The following DIP2C variants were observed in gnomAD, a reference collection of about 807,000 sequenced individuals.
DIP2C encodes the protein disco-interacting protein 2 homolog C.
DIP2C carries 33 observed loss-of-function variants against 192.4 expected under a neutral mutation model. The observed-to-expected ratio is 0.17, with a 90% confidence interval of 0.13 to 0.23. The LOEUF is 0.23. DIP2C is among the 10% of genes least tolerant of loss of function. DIP2C has a pLI of 1.00. For missense variants in DIP2C, 1,537 were observed against 2,110.1 expected (o/e 0.73, Z 5.32); for synonymous variants, 979 against 864.1 (o/e 1.13, Z -2.33).
intron 1 of DIP2C, among the ~76,000 whole-genome samples, chr10:574,011 T>C (rs1767659211): frequency 6.6e-6 from 1 of 152,230 alleles, no homozygotes; most frequent in South Asian, 2.1e-4. Flanking sequence ...GGGAACACTT[T>C]ATTCTGTCTT....
chr10:422,487 C>T (rs991929934), intron 5 of DIP2C, among the ~76,000 whole-genome samples: 1 of 152,150 alleles, frequency 6.6e-6, no homozygotes, highest in African/African-American at 2.4e-5. Flanking sequence ...CCTTAAATGA[C>T]TCCCACGGTC....
At chr10:591,423 C>A (rs1317546882) in intron 1 of DIP2C, among the ~76,000 whole-genome samples, 1 of 152,172 alleles carries the variant, frequency 6.6e-6, no homozygotes, top group East Asian at 1.9e-4. Context: ...CCATGCCCTG[C>A]CATTACTGGT....
At chr10:391,368 G>A (rs1963442935) in intron 10 of DIP2C, among the ~76,000 whole-genome samples, 1 of 152,232 alleles carries the variant, frequency 6.6e-6, no homozygotes, top group Admixed American at 6.5e-5. Flanking sequence ...AGGAAGACCT[G>A]GGTCACTTTC....
chr10:449,865 T>TAC (rs946291261), intron 3 of DIP2C, among the ~76,000 whole-genome samples: 1 of 136,428 alleles, frequency 7.3e-6, no homozygotes, highest in East Asian at 2.1e-4. Context: ...TAAAAACACA[T>TAC]ACACACACAC....
At chr10:367,184 G>A (rs898288983) in intron 18 of DIP2C, among the ~76,000 whole-genome samples, 24 of 152,208 alleles carry the variant, frequency 1.6e-4, no homozygotes, top group Non-Finnish European at 2.8e-4. Flanking sequence ...TTGGGAGGCC[G>A]AGGCGGGCGG....
At chr10:307,279 A>G (rs1281977390) in intron 32 of DIP2C, among the ~76,000 whole-genome samples, 2 of 152,224 alleles carry the variant, frequency 1.3e-5, no homozygotes, top group Admixed American at 6.5e-5. Flanking sequence ...TACAGAGTGT[A>G]ATACCTCGTC....
At chr10:428,589 C>T (rs1029387475) in intron 4 of DIP2C, among the ~76,000 whole-genome samples, 1 of 152,064 alleles carries the variant, frequency 6.6e-6, no homozygotes, top group Non-Finnish European at 1.5e-5. Context: ...CTTAATCCTG[C>T]ACTTTGACTA....
chr10:475,025 G>T (rs1164350548), intron 2 of DIP2C, among the ~76,000 whole-genome samples: 1 of 152,146 alleles, frequency 6.6e-6, no homozygotes, highest in East Asian at 1.9e-4. Flanking sequence ...CTTCAACGGG[G>T]CTGTTTCGTT....
chr10:586,836 G>GCC (rs527374816), intron 1 of DIP2C, among the ~76,000 whole-genome samples: 216 of 144,304 alleles, frequency 1.5e-3, no homozygotes, highest in African/African-American at 5.6e-3. Context: ...ATCAAATGCT[G>GCC]CCCCCCACAT....
At chr10:296,377 G>C (rs554079181) in intron 32 of DIP2C, among the ~76,000 whole-genome samples, 1 of 152,126 alleles carries the variant, frequency 6.6e-6, no homozygotes, top group African/African-American at 2.4e-5. Context: ...TCATTAAAAA[G>C]TCAGGAAACA....
chr10:352,686 C>T (rs990419713), intron 24 of DIP2C, among the ~76,000 whole-genome samples: 3 of 152,196 alleles, frequency 2.0e-5, no homozygotes, highest in East Asian at 1.9e-4. Context: ...TGGACCCCAC[C>T]GTTGGCTGGG....
At chr10:392,838 G>C (rs536307628) in intron 10 of DIP2C, among the ~76,000 whole-genome samples, 1 of 151,332 alleles carries the variant, frequency 6.6e-6, no homozygotes, top group African/African-American at 2.4e-5. Flanking sequence ...ACACGCCCAC[G>C]CACACACACG....
chr10:335,849 G>T (rs777245964), intron 29 of DIP2C, among the ~76,000 whole-genome samples: 3 of 152,176 alleles, frequency 2.0e-5, no homozygotes, highest in Non-Finnish European at 4.4e-5. Context: ...GTTCATCTGT[G>T]TATCTGAATA....
intron 9 of DIP2C, among the ~76,000 whole-genome samples, chr10:405,545 T>G (rs1011934043): frequency 2.0e-5 from 3 of 152,232 alleles, no homozygotes; most frequent in African/African-American, 7.2e-5. Flanking sequence ...TGTACTTACA[T>G]CATTTTTGTT....
chr10:512,838 T>C (rs1015346528), intron 1 of DIP2C, among the ~76,000 whole-genome samples: 33 of 140,704 alleles, frequency 2.3e-4, no homozygotes, highest in Admixed American at 1.9e-3. Context: ...CACTTCAGCC[T>C]GGGAGGTGGA....
chr10:519,437 G>C lies in DIP2C; in HGVS notation c.86-32907C>G, dbSNP rs1016299318. 2.6e-5 allele frequency among the ~76,000 whole-genome samples: 4 copies of C among 152,060 alleles called. 1 individual carries two copies. The South Asian group carries it at 8.3e-4, about 31-fold the overall frequency. On this transcript the variant is annotated intron_variant, in intron 1 of 36. Coordinates refer to ENST00000280886, the MANE Select transcript of DIP2C (RefSeq NM_014974.3). ...CGCTGACCCACGCAGCACGTTTCCT[G>C]AGTGCTGACCCCGCGTGGTATTGGA...
At position 352,583 on chromosome 10, in the gene DIP2C, G is replaced by A. The variant is rs542933425; in HGVS notation, c.2986-3129C>T. Reference sequence around the variant, plus strand: ...CACGATTTCACAGCCGGTCGGACATGAGCAGACACCCCTCGCTCCATGGCC... The same window carrying A: ...CACGATTTCACAGCCGGTCGGACATAAGCAGACACCCCTCGCTCCATGGCC... On this transcript the variant is annotated intron_variant, in intron 24 of 36. Coordinates refer to ENST00000280886, the MANE Select transcript of DIP2C (RefSeq NM_014974.3). Among the ~76,000 whole-genome samples the A allele has an allele frequency of 2.0e-5, 3 of 152,322 alleles. No homozygotes were observed. The East Asian group carries it at 5.8e-4, about 29-fold the overall frequency.
intron 1 of DIP2C, among the ~76,000 whole-genome samples, chr10:575,559 G>C (rs907590304): frequency 5.3e-5 from 8 of 152,224 alleles, no homozygotes; most frequent in Admixed American, 4.6e-4. Context: ...GCTTCTCCCT[G>C]CTATGGGCAC....
chr10:321,542 C>A (rs3132014), intron 31 of DIP2C, among the ~76,000 whole-genome samples: 1 of 75,624 alleles, frequency 1.3e-5, no homozygotes, highest in Admixed American at 1.5e-4. Flanking sequence ...GGGGCTCCAG[C>A]GAGAGACCGG....
Sources: gnomAD v4.1 joint callset for allele counts (sites outside exome capture counted in the v4.1 genomes callset) on GRCh38, gnomAD v4.1.1 for gene constraint, MANE v1.5 for transcripts, NCBI Gene and HGNC (gene_info 2026-07-23, HGNC 2026-07-21) for gene names.